NDUFA3: variants seen among roughly 807,000 people sequenced by gnomAD.
NDUFA3 encodes the protein NADH dehydrogenase [ubiquinone] 1 alpha subcomplex subunit 3.
A neutral mutation model predicts 11.4 loss-of-function variants in NDUFA3; 10 were observed. The ratio of observed to expected loss-of-function variants is 0.87; its 90% CI spans 0.54 to 1.48. NDUFA3 has a LOEUF of 1.48. Ranked by LOEUF, NDUFA3 falls within the 40% of genes most tolerant of loss-of-function variation. NDUFA3 has a pLI of 0.00. For missense variants in NDUFA3, 115 were observed against 110.5 expected, an observed-to-expected ratio of 1.04 and a Z score of -0.18; for synonymous variants, 39 against 46.9, an observed-to-expected ratio of 0.83 and a Z score of 0.68.
chr19:54,106,060 T>TGCTG, intron 3 of NDUFA3, 49 bp downstream of exon 3: 2 of 1,544,034 alleles, frequency 1.3e-6, no homozygotes, highest in Non-Finnish European at 1.8e-6. Flanking sequence ...AGCCTCCCTG[T>TGCTG]GCTGGCGTAA....
chr19:54,106,748 C>G, intron 3 of NDUFA3, 63 bp from the exon 4 acceptor site: 2 of 1,383,050 alleles, frequency 1.4e-6, no homozygotes, highest in Non-Finnish European at 1.9e-6. Context: ...AGCGACAGAC[C>G]AGCTCTTCTC....
At chr19:54,105,616 C>T in intron 2 of NDUFA3, 1 of 598,224 alleles carries the variant, frequency 1.7e-6, no homozygotes, top group Non-Finnish European at 3.2e-6. Flanking sequence ...ATGACACTAC[C>T]CCCAGGATGC....
At position 54,107,099 on chromosome 19, in the gene NDUFA3, G is replaced by C. The variant is rs1224909501; in HGVS notation, c.*197G>C. On this transcript the variant is annotated 3_prime_UTR_variant, in exon 4 of 4. Coordinates refer to ENST00000485876, the MANE Select transcript of NDUFA3 (RefSeq NM_004542.4). ...GGTCGGGTAGGGCAGCAGTTTGTCT[G>C]GACCCCGAGAAACCCAACTGGAATC... 2 of 1,613,814 alleles carry C rather than the reference G, an allele frequency of 1.2e-6. No individual in the cohort carries two copies. Among genetic ancestry groups the C allele is most frequent in the South Asian group, 2.2e-5 (2 of 91,036 alleles).
Position 54,107,321 on chromosome 19 carries a change from T to G in NDUFA3, c.*419T>G. 1 of 1,022,514 alleles carries G rather than the reference T, an allele frequency of 9.8e-7. No homozygotes were observed. Among genetic ancestry groups the G allele is most frequent in the Non-Finnish European group, 1.4e-6 (1 of 705,494 alleles). The allele number at this position is 1,022,514 out of a possible 1,614,324, so 63.3% of individuals were successfully genotyped here. A position where few individuals can be genotyped will look rare whatever the true frequency, so the allele number is the denominator to read the frequency against. On this transcript the variant is annotated 3_prime_UTR_variant, in exon 4 of 4. Transcript: ENST00000485876. ...TGGAGTGCAGTGGTGCCATCATAGT[T>G]CACTGCAGCCTCTGCCTCCCAGGCT...
At chr19:54,105,201 C>T (rs1340536030) in intron 2 of NDUFA3, among the ~76,000 whole-genome samples, 1 of 150,206 alleles carries the variant, frequency 6.7e-6, no homozygotes, top group Non-Finnish European at 1.5e-5. Flanking sequence ...CTGGCTCCCA[C>T]CCTAAATGGA....
At position 54,103,170 on chromosome 19, in the gene NDUFA3, T is replaced by TTCG; in HGVS notation, c.74_76dup (p.Val25dup). 6.2e-7 allele frequency: 1 copy of TTCG among 1,601,090 alleles called. No individual in the cohort carries two copies. The highest frequency in any genetic ancestry group is 1.1e-5 in the South Asian group (1 of 90,262). On this transcript the variant is annotated inframe_insertion, in exon 2 of 4. Transcript: ENST00000485876. ...CAAGGAGCCAGTGCTGGTCGTGTCC[T>TTCG]TCGTCGTCGGGGGCCTCGGTGCGTG...
At chr19:54,104,776 T>G (rs2073206111) in intron 2 of NDUFA3, among the ~76,000 whole-genome samples, 1 of 152,114 alleles carries the variant, frequency 6.6e-6, no homozygotes, top group Non-Finnish European at 1.5e-5. Flanking sequence ...AGTTTCGCTT[T>G]TGTCCAGGCT....
intron 2 of NDUFA3, among the ~76,000 whole-genome samples, chr19:54,104,019 G>A (rs1411016796): frequency 6.6e-6 from 1 of 151,380 alleles, no homozygotes; most frequent in Non-Finnish European, 1.5e-5. Context: ...ATGTTCAATA[G>A]AGACGGGGTT....
intron 3 of NDUFA3, chr19:54,106,583 T>G (rs587722019): frequency 3.5e-5 from 17 of 480,408 alleles, no homozygotes; most frequent in African/African-American, 3.0e-4. Context: ...CCATCTCTTT[T>G]GACCCTAGCT....
chr19:54,106,508 C>T (rs970669512), intron 3 of NDUFA3: 12 of 432,292 alleles, frequency 2.8e-5, no homozygotes, highest in South Asian at 1.9e-4. Context: ...ATTTCTGTCT[C>T]TCTCTGGGTT....
At chr19:54,106,330 C>T (rs1179832576) in intron 3 of NDUFA3, 6 of 415,270 alleles carry the variant, frequency 1.4e-5, no homozygotes, top group Admixed American at 4.2e-5. Context: ...CCACGACACG[C>T]AAACTTTTTC....
At chr19:54,106,033 A>G in intron 3 of NDUFA3, 22 bp downstream of exon 3, 1 of 1,595,422 alleles carries the variant, frequency 6.3e-7, no homozygotes, top group Middle Eastern at 1.7e-4. Context: ...CCAGGCAGGG[A>G]TCCCCGGAAT....
At chr19:54,106,784 C>G (rs376213551) in intron 3 of NDUFA3, 27 bp from the exon 4 acceptor site, 4 of 1,584,760 alleles carry the variant, frequency 2.5e-6, no homozygotes, top group Non-Finnish European at 3.4e-6. Context: ...ACGTGCTGGT[C>G]TCAGTGGCCC....
chr19:54,106,305 T>A (rs11878334), intron 3 of NDUFA3: 22,922 of 447,942 alleles, frequency 0.051, 788 homozygotes, highest in African/African-American at 0.12. Context: ...TAGCTGGGAC[T>A]ACAGGTGCCC....
chr19:54,104,087 T>C (rs254258), intron 2 of NDUFA3, among the ~76,000 whole-genome samples: 72,803 of 148,708 alleles, frequency 0.49, 18,047 homozygotes, highest in Non-Finnish European at 0.53. Flanking sequence ...CCCAACTCGG[T>C]CTCCCAAAGT....
Position 54,107,175 on chromosome 19 carries a change from G to C in NDUFA3, c.*273G>C, listed in dbSNP as rs2073292849. 1.2e-6 allele frequency: 2 copies of C among 1,611,944 alleles called. No homozygotes were observed. The highest frequency in any genetic ancestry group is 1.7e-6 in the Non-Finnish European group (2 of 1,179,456). On this transcript the variant is annotated 3_prime_UTR_variant, in exon 4 of 4. Transcript: ENST00000485876. ...AAGTCTTCCTCAACCTTAATCTGCAGGAGATAAGGAACAAGGTGTTAACAG... is the reference window on the plus strand; with the variant it reads ...AAGTCTTCCTCAACCTTAATCTGCACGAGATAAGGAACAAGGTGTTAACAG...
chr19:54,106,863 C>T lies in NDUFA3; in HGVS notation c.216C>T (p.Asp72=), dbSNP rs1061333. 74,618 of 1,613,526 alleles carry T rather than the reference C, an allele frequency of 0.046. 2,192 individuals carry two copies. Among genetic ancestry groups the T allele is most frequent in the African/African-American group, 0.15 (10,866 of 74,900 alleles). The part of the protein sequence containing the change: ...NMPDVPSHPQ[D]PQGPSLEWLK... The stretch of plus-strand genomic sequence containing the variant: ...CCGACGTGCCCAGCCACCCCCAGGA[C>T]CCTCAGGGCCCCAGCCTGGAGTGGC... The change falls in exon 4 of 4, where the codon GAC becomes GAT. Residue 72 remains aspartate, a synonymous_variant. Coordinates refer to ENST00000485876, the MANE Select transcript of NDUFA3 (RefSeq NM_004542.4).
intron 2 of NDUFA3, among the ~76,000 whole-genome samples, chr19:54,104,880 A>T (rs1600280644): frequency 1.3e-5 from 2 of 152,022 alleles, no homozygotes; most frequent in East Asian, 3.9e-4. Flanking sequence ...CTGGGATTAC[A>T]GGCGCATGCC....
chr19:54,106,638 G>A lies in NDUFA3; in HGVS notation c.164-173G>A, dbSNP rs768558116. On this transcript the variant is annotated intron_variant, in intron 3 of 3. Coordinates refer to ENST00000485876, the MANE Select transcript of NDUFA3 (RefSeq NM_004542.4). ...TCCCTCGCTATCTCTCTGGTTTTCC[G>A]TGTCTCTCAGTCTCTGTATTTCCCG... 4.8e-5 allele frequency: 25 copies of A among 519,452 alleles called. No individual in the cohort carries two copies. In the East Asian group the frequency reaches 5.5e-4, roughly 11 times the overall value. The allele number at this position is 519,452 out of a possible 1,614,324, so 32.2% of individuals were successfully genotyped here.
Sources: gnomAD v4.1 joint callset for allele counts (sites outside exome capture counted in the v4.1 genomes callset) on GRCh38, gnomAD v4.1.1 for gene constraint, MANE v1.5 for transcripts, NCBI Gene and HGNC (gene_info 2026-07-23, HGNC 2026-07-21) for gene names.